The following KCNIP3 variants were observed in gnomAD, a reference collection of about 807,000 sequenced individuals.
KCNIP3 encodes the protein potassium voltage-gated channel interacting protein 3.
KCNIP3 carries 28 observed loss-of-function variants against 35.0 expected under a neutral mutation model. The observed-to-expected ratio is 0.80, with a 90% CI of 0.59 to 1.10. The LOEUF (loss-of-function observed/expected upper bound fraction) is 1.10, where lower values mean the gene tolerates loss of function less well. Ranked by LOEUF, KCNIP3 falls within the 50% of genes least tolerant of loss-of-function variation. The pLI is 0.00. For synonymous variants in KCNIP3, 134 were observed against 133.8 expected, an observed-to-expected ratio of 1.00 and a Z score of -0.01; for missense variants, 295 against 338.4, an observed-to-expected ratio of 0.87 and a Z score of 1.01.
At chr2:95,348,831 C>CCT (rs1186654991) in intron 2 of KCNIP3, among the ~76,000 whole-genome samples, 2 of 152,100 alleles carry the variant, frequency 1.3e-5, no homozygotes, top group Admixed American at 1.3e-4. Flanking sequence ...GTGCTGAGAT[C>CCT]CTGTCACCTT....
intron 2 of KCNIP3, among the ~76,000 whole-genome samples, chr2:95,348,517 C>T (rs559650398): frequency 3.7e-4 from 56 of 152,292 alleles, no homozygotes; most frequent in Non-Finnish European, 7.6e-4. Context: ...CCCTGATCCT[C>T]GGGGCCTCCA....
chr2:95,353,403 G>A (rs941577671), intron 2 of KCNIP3, among the ~76,000 whole-genome samples: 6 of 152,172 alleles, frequency 3.9e-5, no homozygotes, highest in African/African-American at 1.2e-4. Flanking sequence ...GCCAGAGCGC[G>A]AGGCAGCCAG....
intron 2 of KCNIP3, among the ~76,000 whole-genome samples, chr2:95,341,782 G>A (rs1679200714): frequency 6.6e-6 from 1 of 152,154 alleles, no homozygotes. Context: ...GAAACAATTG[G>A]GAAAAGGTGT....
intron 7 of KCNIP3, 98 bp from the exon 8 acceptor site, chr2:95,383,134 C>A: frequency 1.4e-6 from 1 of 729,236 alleles, no homozygotes. Flanking sequence ...TCCACCCACC[C>A]GCCCATCCAC....
chr2:95,380,578 C>G (rs190248909), intron 5 of KCNIP3, among the ~76,000 whole-genome samples: 2 of 152,320 alleles, frequency 1.3e-5, no homozygotes, highest in East Asian at 3.9e-4. Context: ...GGAAAACCTG[C>G]TTTCTACCAA....
intron 2 of KCNIP3, among the ~76,000 whole-genome samples, chr2:95,322,244 G>A (rs1678614016): frequency 6.6e-6 from 1 of 152,118 alleles, no homozygotes; most frequent in South Asian, 2.1e-4. Context: ...CACACCTGTG[G>A]TCCTAGCTAC....
At chr2:95,358,932 A>G (rs1253194854) in intron 2 of KCNIP3, among the ~76,000 whole-genome samples, 1 of 152,190 alleles carries the variant, frequency 6.6e-6, no homozygotes, top group Non-Finnish European at 1.5e-5. Context: ...CAGGAGTTGG[A>G]CACCTGCCTG....
At chr2:95,346,189 G>C (rs1252494483) in intron 2 of KCNIP3, among the ~76,000 whole-genome samples, 3 of 152,192 alleles carry the variant, frequency 2.0e-5, no homozygotes, top group Admixed American at 2.0e-4. Context: ...GGGGTTGCGG[G>C]AAATGCGCCG....
chr2:95,320,775 T>C (rs1678574450), intron 2 of KCNIP3, among the ~76,000 whole-genome samples: 2 of 152,140 alleles, frequency 1.3e-5, no homozygotes, highest in Middle Eastern at 3.4e-3. Context: ...CACCATGGCC[T>C]TCTCAGAAGT....
At position 95,339,547 on chromosome 2, in the gene KCNIP3, G is replaced by A. The variant is rs908476706; in HGVS notation, c.181+29027G>A. Among the ~76,000 whole-genome samples the A allele has an allele frequency of 9.9e-5, 15 of 151,558 alleles. No homozygotes were observed. In the South Asian group the frequency reaches 2.1e-3, roughly 21 times the overall value. ...CACAGTGAGGTGAGATTGTGCCAAC[G>A]CACTCCTGCGTGGGTGGCAGAGTAA... is the stretch of plus-strand genomic sequence containing the variant. On this transcript the variant is annotated intron_variant, in intron 2 of 8. Transcript: ENST00000295225.
chr2:95,346,487 CG>C (rs950029844), intron 2 of KCNIP3, among the ~76,000 whole-genome samples: 13 of 149,632 alleles, frequency 8.7e-5, no homozygotes, highest in African/African-American at 2.9e-4. Flanking sequence ...CGGGCAGGCG[CG>C]GGGGGGCCGC....
chr2:95,382,423 A>G lies in KCNIP3; in HGVS notation c.602A>G (p.His201Arg). The G allele has an allele frequency of 6.2e-7, 1 of 1,608,498 alleles. No individual in the cohort carries two copies. ...TCCATCTATGACATGATGGGCCGCC[A>G]CACCTACCCCATCCTGCGGGAGGAC... ...MKSIYDMMGR[H>R]TYPILREDAP... Residue 201 changes from histidine to arginine, a missense_variant, in exon 7 of 9, where the codon CAC becomes CGC. His to Arg is a conservative substitution (Grantham distance 29). Coordinates refer to ENST00000295225, the MANE Select transcript of KCNIP3 (RefSeq NM_013434.5). This position sits in a 1 kb window ranked among gnomAD's most constrained non-coding sequence, Gnocchi z 4.5.
chr2:95,324,869 C>T (rs1678698249), intron 2 of KCNIP3, among the ~76,000 whole-genome samples: 1 of 152,164 alleles, frequency 6.6e-6, no homozygotes, highest in South Asian at 2.1e-4. Flanking sequence ...TGAGATGGCG[C>T]CACTGCACTC....
At chr2:95,368,726 C>G in intron 2 of KCNIP3, 1 of 247,944 alleles carries the variant, frequency 4.0e-6, no homozygotes, top group East Asian at 9.1e-5. Flanking sequence ...TTGAGTCCTG[C>G]TCACCACTTT....
chr2:95,300,591 GCAT>G, intron 1 of KCNIP3, among the ~76,000 whole-genome samples: 1 of 23,056 alleles, frequency 4.3e-5, no homozygotes, highest in African/African-American at 1.3e-4. Flanking sequence ...GGAGGGCACA[GCAT>G]GGGGCGAGTC....
At chr2:95,347,913 C>G (rs893335104) in intron 2 of KCNIP3, among the ~76,000 whole-genome samples, 1 of 152,226 alleles carries the variant, frequency 6.6e-6, no homozygotes, top group African/African-American at 2.4e-5. Context: ...GTACTGAGAC[C>G]CAGAGGCCTG....
chr2:95,379,428 C>T (rs370977012), intron 5 of KCNIP3, among the ~76,000 whole-genome samples: 7 of 151,282 alleles, frequency 4.6e-5, no homozygotes, highest in Non-Finnish European at 7.4e-5. Context: ...GAGGCCCCCC[C>T]ACCAGCCTCC....
chr2:95,374,696 A>G (rs576680658), intron 3 of KCNIP3, 152 bp from the exon 4 acceptor site: 1 of 885,444 alleles, frequency 1.1e-6, no homozygotes, highest in East Asian at 2.6e-5. Context: ...ACCTCTACCC[A>G]GGCTTTCCAC....
At chr2:95,302,381 T>G (rs1043747994) in intron 1 of KCNIP3, among the ~76,000 whole-genome samples, 1 of 152,204 alleles carries the variant, frequency 6.6e-6, no homozygotes, top group African/African-American at 2.4e-5. Flanking sequence ...TCAGATCTAT[T>G]GAGGAGCTTT....
Sources: gnomAD v4.1 joint callset for allele counts (sites outside exome capture counted in the v4.1 genomes callset) on GRCh38, gnomAD v4.1.1 for gene constraint, Gnocchi (gnomAD v3.1) non-coding constraint, MANE v1.5 for transcripts, NCBI Gene and HGNC (gene_info 2026-07-23, HGNC 2026-07-21) for gene names.